The following ST3GAL3 variants were observed in gnomAD, a reference collection of about 807,000 sequenced individuals.
ST3GAL3 encodes ST3 beta-galactoside alpha-2,3-sialyltransferase 3.
ST3GAL3 carries 21 observed loss-of-function variants against 50.1 expected under a neutral mutation model. That is an observed-to-expected ratio of 0.42 (90% CI 0.30 to 0.60). The LOEUF (loss-of-function observed/expected upper bound fraction) is 0.60. Ranked by LOEUF, ST3GAL3 falls within the 20% of genes least tolerant of loss-of-function variation. The pLI is 0.19. For synonymous variants in ST3GAL3, 183 were observed against 190.0 expected, an observed-to-expected ratio of 0.96 and a Z score of 0.30; for missense variants, 353 against 489.4, an observed-to-expected ratio of 0.72 and a Z score of 2.63.
intron 5 of ST3GAL3, among the ~76,000 whole-genome samples, chr1:43,866,947 T>C (rs965078539): frequency 2.6e-5 from 4 of 152,166 alleles, no homozygotes; most frequent in East Asian, 1.9e-4. Flanking sequence ...CTGGCCAAGA[T>C]GGTGAAACCC....
At chr1:43,804,488 A>G (rs550439571) in intron 3 of ST3GAL3, among the ~76,000 whole-genome samples, 51 of 152,234 alleles carry the variant, frequency 3.4e-4, no homozygotes, top group African/African-American at 1.2e-3. Flanking sequence ...TCAGGTAAAG[A>G]CCTTGGTTGA....
Position 43,844,992 on chromosome 1 carries a change from T to C in ST3GAL3, c.302+6681T>C, listed in dbSNP as rs532890949. On this transcript the variant is annotated intron_variant, in intron 5 of 11. Coordinates refer to ENST00000347631, the MANE Select transcript of ST3GAL3 (RefSeq NM_006279.5). ...TTGTAGGAAGGCTTTTGTTGTTGTT[T>C]TTGGTTTCTTTTTGAGACATAGTTT... is the stretch of plus-strand genomic sequence containing the variant. 2.6e-5 allele frequency among the ~76,000 whole-genome samples: 4 copies of C among 152,260 alleles called. No individual in the cohort carries two copies. In the South Asian group the frequency reaches 8.3e-4, roughly 32 times the overall value.
intron 3 of ST3GAL3, among the ~76,000 whole-genome samples, chr1:43,811,969 A>G (rs1301790793): frequency 2.0e-5 from 3 of 152,238 alleles, no homozygotes; most frequent in African/African-American, 4.8e-5. Context: ...TCCGCATCTT[A>G]GTCTAGCACT....
rs60994411 is a variant in ST3GAL3, at chr1:43,721,200, G to A, written c.-31+13507G>A. 9.1e-3 allele frequency among the ~76,000 whole-genome samples: 1,369 copies of A among 150,164 alleles called. 20 individuals are homozygous for A. Among genetic ancestry groups the A allele is most frequent in the African/African-American group, 0.032 (1,309 of 40,784 alleles). ...TTGGAGGCTGCAGTGTGATATGATC[G>A]TACCACTGCACTCTAGCCTGTGCAA... On this transcript the variant is annotated intron_variant, in intron 1 of 11. Coordinates refer to ENST00000347631, the MANE Select transcript of ST3GAL3 (RefSeq NM_006279.5).
At chr1:43,904,186 G>T (rs1009300671) in intron 9 of ST3GAL3, among the ~76,000 whole-genome samples, 3 of 152,116 alleles carry the variant, frequency 2.0e-5, no homozygotes, top group Non-Finnish European at 4.4e-5. Context: ...AGGCAGCAGG[G>T]CTGGACCGTA....
At chr1:43,722,558 A>G (rs778296932) in intron 1 of ST3GAL3, among the ~76,000 whole-genome samples, 66 of 152,210 alleles carry the variant, frequency 4.3e-4, no homozygotes, top group Non-Finnish European at 8.1e-4. Context: ...GAGGCTTACT[A>G]GGCTATTGTA....
intron 2 of ST3GAL3, chr1:43,771,867 C>T (rs1275626032): frequency 2.6e-6 from 1 of 390,766 alleles, no homozygotes; most frequent in Admixed American, 4.5e-5. Flanking sequence ...TGAACACCTC[C>T]CTTTGTTTTT....
At chr1:43,829,735 C>T (rs1174396295) in intron 4 of ST3GAL3, among the ~76,000 whole-genome samples, 1 of 152,196 alleles carries the variant, frequency 6.6e-6, no homozygotes, top group Admixed American at 6.5e-5. Context: ...AGATACCCAC[C>T]CTAATTCCCA....
chr1:43,859,911 C>A (rs1294021469), intron 5 of ST3GAL3, among the ~76,000 whole-genome samples: 1 of 152,180 alleles, frequency 6.6e-6, no homozygotes, highest in Non-Finnish European at 1.5e-5. Flanking sequence ...TACCTCAAGA[C>A]CAGCAAGAGG....
chr1:43,794,420 TAA>T (rs2058455945), intron 3 of ST3GAL3, among the ~76,000 whole-genome samples: 1 of 146,422 alleles, frequency 6.8e-6, no homozygotes, highest in Non-Finnish European at 1.5e-5. Context: ...CCAATGTTGA[TAA>T]GGATGTGGTG....
intron 9 of ST3GAL3, among the ~76,000 whole-genome samples, chr1:43,906,260 T>C (rs1442351524): frequency 4.7e-4 from 17 of 36,114 alleles, no homozygotes; most frequent in Admixed American, 1.1e-3. Flanking sequence ...ACTCTTCCCC[T>C]GACTCCTCCT....
chr1:43,744,659 T>A (rs971714600), intron 2 of ST3GAL3, among the ~76,000 whole-genome samples: 13 of 124,284 alleles, frequency 1.0e-4, no homozygotes, highest in African/African-American at 5.3e-4. Flanking sequence ...TCTCAAAAAA[T>A]AAATAAATAA....
intron 5 of ST3GAL3, among the ~76,000 whole-genome samples, chr1:43,888,014 C>A (rs916552839): frequency 1.3e-5 from 2 of 151,978 alleles, no homozygotes; most frequent in Non-Finnish European, 2.9e-5. Flanking sequence ...GTCTTTGAAT[C>A]CATGCAGCTG....
intron 5 of ST3GAL3, among the ~76,000 whole-genome samples, chr1:43,857,322 G>C (rs1186355385): frequency 6.6e-6 from 1 of 152,122 alleles, no homozygotes; most frequent in African/African-American, 2.4e-5. Context: ...ATGGCAATTA[G>C]AGTAAGTTTA....
At chr1:43,712,629 C>T (rs145419018) in intron 1 of ST3GAL3, among the ~76,000 whole-genome samples, 143 of 152,288 alleles carry the variant, frequency 9.4e-4, no homozygotes, top group African/African-American at 3.3e-3. Context: ...CTTCTAAAAG[C>T]GCACCTGATA....
chr1:43,734,529 C>T (rs1440652002), intron 1 of ST3GAL3, among the ~76,000 whole-genome samples: 7 of 152,098 alleles, frequency 4.6e-5, no homozygotes, highest in Admixed American at 6.5e-5. Flanking sequence ...AGGCTGGCCT[C>T]AAACTCCAGG....
rs554759068 is a variant in ST3GAL3, at chr1:43,898,412, T to G, written c.461+114T>G. On this transcript the variant is annotated intron_variant, in intron 7 of 11. Coordinates refer to ENST00000347631, the MANE Select transcript of ST3GAL3 (RefSeq NM_006279.5). ...GCAGTTTCTCCAGCACATCCACACA[T>G]GCACATACAGTACACACACAGGGTG... 1.2e-5 allele frequency: 13 copies of G among 1,042,418 alleles called. No homozygotes were observed. The African/African-American group carries it at 1.6e-4, about 12-fold the overall frequency. 64.6% of individuals were successfully genotyped at this position (1,042,418 alleles called of 1,614,324 possible).
At chr1:43,919,918 T>C in intron 9 of ST3GAL3, 1 of 241,130 alleles carries the variant, frequency 4.1e-6, no homozygotes, top group Non-Finnish European at 8.2e-6. Flanking sequence ...TCACGCTCTG[T>C]CTCCATTTTT....
At chr1:43,903,530 C>A (rs2078648348) in intron 9 of ST3GAL3, among the ~76,000 whole-genome samples, 1 of 152,202 alleles carries the variant, frequency 6.6e-6, no homozygotes, top group Non-Finnish European at 1.5e-5. Context: ...TCAGTGGGGC[C>A]CTGGGGCCTA....
Sources: gnomAD v4.1 joint callset for allele counts (sites outside exome capture counted in the v4.1 genomes callset) on GRCh38, gnomAD v4.1.1 for gene constraint, MANE v1.5 for transcripts, NCBI Gene and HGNC (gene_info 2026-07-23, HGNC 2026-07-21) for gene names.